MTA3: variants seen among roughly 807,000 people sequenced by gnomAD.
MTA3 encodes metastasis-associated protein MTA3.
A neutral mutation model predicts 83.5 loss-of-function variants in MTA3; 34 were observed. The observed-to-expected ratio is 0.41, with a 90% CI of 0.31 to 0.54. MTA3 has a LOEUF of 0.54. Among genes scored for constraint, MTA3 ranks in the 20% least tolerant of loss-of-function variants. The pLI is 0.33. For missense variants in MTA3, 761 were observed against 726.4 expected (o/e 1.05, Z -0.55); for synonymous variants, 303 against 252.7 (o/e 1.20, Z -1.89).
chr2:42,589,125 A>G (rs1015348936), intron 3 of MTA3, among the ~76,000 whole-genome samples: 2 of 152,162 alleles, frequency 1.3e-5, no homozygotes, highest in East Asian at 1.9e-4. Flanking sequence ...ACTAGGTACT[A>G]TAGTTTAGAT....
chr2:42,682,602 T>C lies in MTA3; in HGVS notation c.891+13T>C, dbSNP rs1692027348. On this transcript the variant is annotated intron_variant, in intron 9 of 16. Coordinates refer to ENST00000405094, the MANE Select transcript of MTA3 (RefSeq NM_001330442.2). ...ACGGCAAGATTTTGTAAGTAGAAAA[T>C]TATGAGTAAAATAAAATGTTGAGAT... is the stretch of plus-strand genomic sequence containing the variant. 1.3e-6 allele frequency: 2 copies of C among 1,596,190 alleles called. No homozygotes were observed. Among genetic ancestry groups the C allele is most frequent in the African/African-American group, 2.7e-5 (2 of 74,712 alleles).
chr2:42,704,671 A>G (rs1016105377), intron 12 of MTA3, among the ~76,000 whole-genome samples: 2 of 152,168 alleles, frequency 1.3e-5, no homozygotes. Flanking sequence ...GTTTCTCAGT[A>G]TACTTTGACA....
intron 8 of MTA3, among the ~76,000 whole-genome samples, chr2:42,669,071 C>G (rs536562869): frequency 3.3e-5 from 5 of 149,578 alleles, no homozygotes; most frequent in Non-Finnish European, 5.9e-5. Context: ...GAAGGCACAA[C>G]AGAAAATACA....
At chr2:42,673,519 A>G (rs1016246013) in intron 8 of MTA3, among the ~76,000 whole-genome samples, 10 of 152,214 alleles carry the variant, frequency 6.6e-5, no homozygotes, top group African/African-American at 2.4e-4. Context: ...TGAATATAGT[A>G]TATGTGTATC....
chr2:42,598,187 C>T (rs1297675611), intron 3 of MTA3, among the ~76,000 whole-genome samples: 5 of 151,648 alleles, frequency 3.3e-5, no homozygotes, highest in African/African-American at 4.8e-5. Flanking sequence ...ATTCTCCTGC[C>T]TCAGCCTCCT....
At chr2:42,591,648 A>G (rs201988104) in intron 3 of MTA3, among the ~76,000 whole-genome samples, 1 of 69,746 alleles carries the variant, frequency 1.4e-5, no homozygotes, top group Non-Finnish European at 2.9e-5. Context: ...TATTTTATTT[A>G]TTTTTTATTT....
intron 4 of MTA3, among the ~76,000 whole-genome samples, chr2:42,611,960 G>A (rs1684276632): frequency 6.6e-6 from 1 of 152,100 alleles, no homozygotes; most frequent in South Asian, 2.1e-4. Context: ...TTCTGCTATG[G>A]CCTGCTATTT....
intron 7 of MTA3, among the ~76,000 whole-genome samples, chr2:42,658,005 G>A (rs1689320957): frequency 6.9e-6 from 1 of 145,292 alleles, no homozygotes. Flanking sequence ...TTGCGAGACG[G>A]AGGTTGCAGT....
Position 42,689,042 on chromosome 2 carries a change from A to G in MTA3, c.891+6453A>G, listed in dbSNP as rs542504690. On this transcript the variant is annotated intron_variant, in intron 9 of 16. Transcript: ENST00000405094. Reference sequence around the variant, plus strand: ...TTTTTTGAGAGTTTTTAAAAAAATCATGAATGATGTTGAATTTTGTAAGAT... The same window carrying G: ...TTTTTTGAGAGTTTTTAAAAAAATCGTGAATGATGTTGAATTTTGTAAGAT... Among the ~76,000 whole-genome samples, 3 of 152,306 alleles carry G rather than the reference A, an allele frequency of 2.0e-5. No individual in the cohort carries two copies. The South Asian group carries it at 6.2e-4, about 32-fold the overall frequency.
Position 42,601,532 on chromosome 2 carries a change from C to T in MTA3, c.191-7926C>T, listed in dbSNP as rs575590238. ...CCGTCAAGTGACCCTCTCGCTGGTG[C>T]GTGCCGCCACACGACTAACTTTCTA... On this transcript the variant is annotated intron_variant, in intron 3 of 16. Transcript: ENST00000405094. Among the ~76,000 whole-genome samples, 10 of 152,284 alleles carry T rather than the reference C, an allele frequency of 6.6e-5. No individual in the cohort carries two copies. In the East Asian group the frequency reaches 1.7e-3, roughly 26 times the overall value.
chr2:42,695,143 G>T (rs1693262431), intron 9 of MTA3, among the ~76,000 whole-genome samples: 1 of 151,878 alleles, frequency 6.6e-6, no homozygotes, highest in Non-Finnish European at 1.5e-5. Flanking sequence ...AAAAGAGAAA[G>T]AAATGTTATC....
intron 8 of MTA3, among the ~76,000 whole-genome samples, chr2:42,660,979 C>T (rs1689640174): frequency 6.6e-6 from 1 of 152,100 alleles, no homozygotes; most frequent in Non-Finnish European, 1.5e-5. Flanking sequence ...GCCACTGCTC[C>T]CAGCCTTGTT....
intron 2 of MTA3, among the ~76,000 whole-genome samples, chr2:42,499,324 C>A (rs961761330): frequency 2.6e-5 from 4 of 151,702 alleles, no homozygotes; most frequent in Non-Finnish European, 4.4e-5. Flanking sequence ...TGCACCATCA[C>A]CCCGGCTAAT....
chr2:42,662,876 C>T (rs1234042197), intron 8 of MTA3, among the ~76,000 whole-genome samples: 3 of 151,772 alleles, frequency 2.0e-5, no homozygotes, highest in Non-Finnish European at 2.9e-5. Context: ...GGATTACAGG[C>T]GCACGTCACC....
intron 3 of MTA3, among the ~76,000 whole-genome samples, chr2:42,607,306 A>T (rs960898782): frequency 2.6e-5 from 4 of 152,216 alleles, no homozygotes; most frequent in Admixed American, 6.5e-5. Context: ...GCTTTGTAGC[A>T]AAGAGGAGTC....
chr2:42,653,027 G>A (rs138632532), intron 6 of MTA3, among the ~76,000 whole-genome samples: 32 of 152,318 alleles, frequency 2.1e-4, no homozygotes, highest in African/African-American at 7.5e-4. Context: ...ACAACACTGT[G>A]CTCAAAATTC....
chr2:42,593,404 A>G (rs991406556), intron 3 of MTA3, among the ~76,000 whole-genome samples: 17 of 152,280 alleles, frequency 1.1e-4, no homozygotes, highest in Admixed American at 9.2e-4. Flanking sequence ...CATAGTCATT[A>G]TCTATGTCAA....
chr2:42,534,416 C>T (rs866935392), intron 2 of MTA3, among the ~76,000 whole-genome samples: 97 of 151,952 alleles, frequency 6.4e-4, no homozygotes, highest in African/African-American at 2.2e-3. Flanking sequence ...GCCAACACGG[C>T]AAAACCCCGT....
intron 14 of MTA3, among the ~76,000 whole-genome samples, chr2:42,715,836 T>A (rs2104526208): frequency 6.6e-6 from 1 of 152,292 alleles, no homozygotes; most frequent in South Asian, 2.1e-4. Context: ...GCAAATCTTA[T>A]TACTAGTAAT....
Sources: allele counts gnomAD v4.1 joint callset (sites outside exome capture counted in the v4.1 genomes callset), GRCh38; gene constraint gnomAD v4.1.1; transcripts MANE v1.5; gene names NCBI Gene and HGNC (gene_info 2026-07-23, HGNC 2026-07-21).